Variants in NKAIN2 observed in about 807,000 individuals in gnomAD.
NKAIN2 encodes the protein sodium/potassium transporting ATPase interacting 2, also known as sodium/potassium-transporting ATPase subunit beta-1-interacting protein 2.
A neutral mutation model predicts 32.6 loss-of-function variants in NKAIN2; 14 were observed. The ratio of observed to expected loss-of-function variants is 0.43; its 90% CI spans 0.28 to 0.67. The LOEUF (loss-of-function observed/expected upper bound fraction) is 0.67. Among genes scored for constraint, NKAIN2 ranks in the 30% least tolerant of loss-of-function variants. The pLI is 0.17. For missense variants in NKAIN2, 198 were observed against 258.3 expected (o/e 0.77, Z 1.60); for synonymous variants, 80 against 87.2 (o/e 0.92, Z 0.46).
chr6:124,204,568 G>C (rs190508612), intron 1 of NKAIN2, among the ~76,000 whole-genome samples: 89 of 151,894 alleles, frequency 5.9e-4, no homozygotes, highest in African/African-American at 1.8e-3. Flanking sequence ...TATTTGGACG[G>C]TTAAGTGGTC....
At chr6:124,090,422 T>A (rs1784364884) in intron 1 of NKAIN2, among the ~76,000 whole-genome samples, 1 of 151,938 alleles carries the variant, frequency 6.6e-6, no homozygotes, top group South Asian at 2.1e-4. Context: ...TTTGGTATAA[T>A]AGGATAATGG....
intron 1 of NKAIN2, among the ~76,000 whole-genome samples, chr6:123,826,275 G>A (rs1320819733): frequency 6.6e-6 from 1 of 152,056 alleles, no homozygotes; most frequent in Non-Finnish European, 1.5e-5. Context: ...TTTCCAAAAC[G>A]CCATGGGTTT....
chr6:124,492,358 C>T (rs1349756444), intron 3 of NKAIN2, among the ~76,000 whole-genome samples: 2 of 151,834 alleles, frequency 1.3e-5, no homozygotes, highest in Non-Finnish European at 2.9e-5. Flanking sequence ...CATCTTCCTG[C>T]CTAGAGTTCA....
chr6:124,019,060 G>A (rs1448228499), intron 1 of NKAIN2, among the ~76,000 whole-genome samples: 1 of 152,122 alleles, frequency 6.6e-6, no homozygotes, highest in African/African-American at 2.4e-5. Flanking sequence ...GCAAGAGGGA[G>A]TGTGAAGGAG....
Position 124,344,926 on chromosome 6 carries a change from C to T in NKAIN2, c.193-10341C>T, listed in dbSNP as rs531250394. 5.8e-3 allele frequency among the ~76,000 whole-genome samples: 884 copies of T among 152,158 alleles called. 7 individuals are homozygous for T. The highest frequency in any genetic ancestry group is 0.02 in the African/African-American group (810 of 41,498). ...GTCTTGTGCCAGTTTTCAAAGGGAA[C>T]GCTTCCAGTTTTTGCCCATTCAGTA... On this transcript the variant is annotated intron_variant, in intron 2 of 6. Coordinates refer to ENST00000368417, the MANE Select transcript of NKAIN2 (RefSeq NM_001040214.3).
chr6:124,202,908 A>G (rs1332353494), intron 1 of NKAIN2, among the ~76,000 whole-genome samples: 2 of 151,962 alleles, frequency 1.3e-5, no homozygotes, highest in African/African-American at 2.4e-5. Context: ...TGTGGCACCT[A>G]CAAGAGGCAT....
At chr6:124,538,793 T>G (rs1036667102) in intron 3 of NKAIN2, among the ~76,000 whole-genome samples, 4 of 152,142 alleles carry the variant, frequency 2.6e-5, no homozygotes, top group African/African-American at 9.7e-5. Flanking sequence ...GTATACTAAT[T>G]TTCTCATTCG....
At chr6:124,356,026 T>G (rs1046758232) in intron 3 of NKAIN2, among the ~76,000 whole-genome samples, 2 of 152,166 alleles carry the variant, frequency 1.3e-5, no homozygotes, top group Non-Finnish European at 2.9e-5. Context: ...CCATTCAAGG[T>G]AGTAGCAAAT....
In NKAIN2 at chr6:124,331,163, T is replaced by C. The variant is rs1420531336; in HGVS notation, c.193-24104T>C. The stretch of plus-strand genomic sequence containing the variant: ...TAGGAAAGATAAGTTTGTACTGAAA[T>C]AAACTGATGATACTTTTTTTCAATT... On this transcript the variant is annotated intron_variant, in intron 2 of 6. Transcript: ENST00000368417. Among the ~76,000 whole-genome samples, 5 of 151,632 alleles carry C rather than the reference T, an allele frequency of 3.3e-5. No homozygotes were observed. In the East Asian group the frequency reaches 9.7e-4, roughly 29 times the overall value.
chr6:124,527,018 T>C (rs1779345062), intron 3 of NKAIN2, among the ~76,000 whole-genome samples: 1 of 152,178 alleles, frequency 6.6e-6, no homozygotes, highest in South Asian at 2.1e-4. Flanking sequence ...ACTTAACTAC[T>C]ATGTTACCTA....
At chr6:124,123,436 A>C (rs1785993230) in intron 1 of NKAIN2, among the ~76,000 whole-genome samples, 1 of 152,128 alleles carries the variant, frequency 6.6e-6, no homozygotes, top group Non-Finnish European at 1.5e-5. Context: ...TGTTTTTCCC[A>C]GAGACAGTAT....
chr6:123,839,211 C>A (rs1422914625), intron 1 of NKAIN2, among the ~76,000 whole-genome samples: 2 of 145,842 alleles, frequency 1.4e-5, no homozygotes, highest in Non-Finnish European at 3.0e-5. Context: ...TAAGGTACTT[C>A]TAAACCTAAA....
chr6:124,509,423 T>C (rs1778624617), intron 3 of NKAIN2, among the ~76,000 whole-genome samples: 1 of 152,228 alleles, frequency 6.6e-6, no homozygotes, highest in Non-Finnish European at 1.5e-5. Context: ...GGTTTTGTTC[T>C]TCTATCAGTA....
At chr6:124,207,519 A>G (rs1790954836) in intron 1 of NKAIN2, among the ~76,000 whole-genome samples, 1 of 149,078 alleles carries the variant, frequency 6.7e-6, no homozygotes, top group Admixed American at 6.8e-5. Context: ...TTACTATAGC[A>G]TTTCTTTAAT....
intron 1 of NKAIN2, among the ~76,000 whole-genome samples, chr6:123,835,295 A>G (rs887960369): frequency 1.3e-5 from 2 of 152,124 alleles, no homozygotes; most frequent in African/African-American, 4.8e-5. Context: ...CAGTTTATTC[A>G]TGTTTAGGTT....
chr6:124,794,467 C>A (rs1469840237), intron 5 of NKAIN2, among the ~76,000 whole-genome samples: 1 of 152,114 alleles, frequency 6.6e-6, no homozygotes, highest in Admixed American at 6.5e-5. Flanking sequence ...TGAAAGACTC[C>A]AAAAAATAAC....
chr6:124,742,107 A>C (rs1007839878), intron 4 of NKAIN2, among the ~76,000 whole-genome samples: 5 of 151,874 alleles, frequency 3.3e-5, no homozygotes, highest in African/African-American at 1.2e-4. Context: ...TCTCTGAATC[A>C]CATGTGCCTC....
intron 1 of NKAIN2, among the ~76,000 whole-genome samples, chr6:124,218,037 A>T (rs1017825096): frequency 2.0e-5 from 3 of 152,088 alleles, no homozygotes; most frequent in African/African-American, 7.2e-5. Flanking sequence ...CAGAGTAACA[A>T]AAGGAAAAAG....
intron 4 of NKAIN2, among the ~76,000 whole-genome samples, chr6:124,727,668 A>G (rs9375365): frequency 0.59 from 87,092 of 147,342 alleles, 26,279 homozygotes; most frequent in East Asian, 0.71. Flanking sequence ...AAAATAAGCA[A>G]CTAACATCAT....
Sources: allele counts gnomAD v4.1 joint callset (sites outside exome capture counted in the v4.1 genomes callset), GRCh38; gene constraint gnomAD v4.1.1; transcripts MANE v1.5; gene names NCBI Gene and HGNC (gene_info 2026-07-23, HGNC 2026-07-21).